The following NXPH1 variants were observed in gnomAD, a reference collection of about 807,000 sequenced individuals.
NXPH1 encodes the protein neurexophilin-1.
Under a neutral mutation model 23.7 loss-of-function variants are expected in NXPH1, and 5 were observed. The observed-to-expected ratio is 0.21, with a 90% CI of 0.11 to 0.44. The LOEUF (loss-of-function observed/expected upper bound fraction) is 0.44. Ranked by LOEUF, NXPH1 falls within the 20% of genes least tolerant of loss-of-function variation. The pLI, the probability that NXPH1 is intolerant of heterozygous loss-of-function variation, is 0.99. For synonymous variants in NXPH1, 144 were observed against 122.2 expected, an observed-to-expected ratio of 1.18 and a Z score of -1.18; for missense variants, 324 against 321.6, an observed-to-expected ratio of 1.01 and a Z score of -0.06.
At chr7:8,667,420 T>C (rs1387528220) in intron 2 of NXPH1, among the ~76,000 whole-genome samples, 1 of 151,928 alleles carries the variant, frequency 6.6e-6, no homozygotes, top group Non-Finnish European at 1.5e-5. Context: ...CTCCTTTGTT[T>C]CTGAGAGTAT....
intron 2 of NXPH1, among the ~76,000 whole-genome samples, chr7:8,664,842 CTA>C (rs1474063242): frequency 6.6e-6 from 1 of 151,954 alleles, no homozygotes; most frequent in Non-Finnish European, 1.5e-5. Context: ...TAAGAAATGT[CTA>C]TTCAGTTTAT....
At chr7:8,560,411 T>G (rs1171863196) in intron 2 of NXPH1, among the ~76,000 whole-genome samples, 2 of 151,866 alleles carry the variant, frequency 1.3e-5, no homozygotes, top group South Asian at 2.1e-4. Flanking sequence ...ATTATTTTGT[T>G]TGATGTGACA....
At chr7:8,599,560 T>C (rs1819307466) in intron 2 of NXPH1, among the ~76,000 whole-genome samples, 1 of 152,138 alleles carries the variant, frequency 6.6e-6, no homozygotes, top group South Asian at 2.1e-4. Flanking sequence ...TAATTTAGGA[T>C]TACCTATTCA....
At chr7:8,645,743 G>A (rs1308494869) in intron 2 of NXPH1, among the ~76,000 whole-genome samples, 1 of 151,980 alleles carries the variant, frequency 6.6e-6, no homozygotes, top group African/African-American at 2.4e-5. Flanking sequence ...GATCCATATG[G>A]AATTGAGTTT....
intron 2 of NXPH1, among the ~76,000 whole-genome samples, chr7:8,698,737 C>G (rs949170630): frequency 1.3e-5 from 2 of 151,986 alleles, no homozygotes; most frequent in Non-Finnish European, 2.9e-5. Flanking sequence ...TATGGATAAT[C>G]TGGAATCTTA....
intron 2 of NXPH1, among the ~76,000 whole-genome samples, chr7:8,562,458 C>G (rs1181683813): frequency 6.6e-6 from 1 of 151,210 alleles, no homozygotes; most frequent in Non-Finnish European, 1.5e-5. Flanking sequence ...AACTGATTAA[C>G]TTACTTTCCT....
intron 2 of NXPH1, among the ~76,000 whole-genome samples, chr7:8,481,315 C>T (rs562640202): frequency 6.6e-6 from 1 of 152,224 alleles, no homozygotes; most frequent in Admixed American, 6.5e-5. Flanking sequence ...TTCAGAGATA[C>T]CTACGCAGAG....
chr7:8,458,302 C>G (rs556708056), intron 2 of NXPH1, among the ~76,000 whole-genome samples: 6 of 152,244 alleles, frequency 3.9e-5, no homozygotes, highest in South Asian at 4.1e-4. Flanking sequence ...TAACCTCTTT[C>G]TAAGTGGGGG....
intron 2 of NXPH1, among the ~76,000 whole-genome samples, chr7:8,709,225 T>G (rs539532361): frequency 8.5e-5 from 13 of 152,242 alleles, no homozygotes; most frequent in Non-Finnish European, 1.8e-4. Context: ...CTACCACTTT[T>G]GAGTACTGTA....
At chr7:8,524,916 A>G (rs62448091) in intron 2 of NXPH1, among the ~76,000 whole-genome samples, 35,767 of 152,178 alleles carry the variant, frequency 0.24, 4,335 homozygotes, top group East Asian at 0.3. Context: ...CAGCAGTGTG[A>G]AAATAGACTA....
chr7:8,514,405 C>T (rs1355664327), intron 2 of NXPH1, among the ~76,000 whole-genome samples: 1 of 152,106 alleles, frequency 6.6e-6, no homozygotes, highest in African/African-American at 2.4e-5. Context: ...CAGTGACATC[C>T]TTGAAGTTGC....
Position 8,752,888 on chromosome 7 carries a change from T to C in NXPH1, c.*1119T>C, listed in dbSNP as rs886337984. On this transcript the variant is annotated 3_prime_UTR_variant, in exon 3 of 3. Transcript: ENST00000405863. ...TATACATATACAACATTACAGTCTG[T>C]CTGTATTTAGATATTTTATTTCTGG... 6.6e-6 allele frequency: 1 copy of C among 152,554 alleles called. No individual in the cohort carries two copies. Among genetic ancestry groups the C allele is most frequent in the Non-Finnish European group, 1.5e-5 (1 of 68,010 alleles). 9.5% of individuals were successfully genotyped at this position (152,554 alleles called of 1,614,324 possible). A position where few individuals can be genotyped will look rare whatever the true frequency, so the allele number is the denominator to read the frequency against.
intron 2 of NXPH1, among the ~76,000 whole-genome samples, chr7:8,558,041 C>A (rs1201734378): frequency 1.3e-5 from 2 of 151,590 alleles, no homozygotes; most frequent in African/African-American, 4.8e-5. Flanking sequence ...CATAAAAAGG[C>A]TTGTTATTAA....
At chr7:8,595,028 G>C (rs1254776262) in intron 2 of NXPH1, among the ~76,000 whole-genome samples, 1 of 151,944 alleles carries the variant, frequency 6.6e-6, no homozygotes, top group African/African-American at 2.4e-5. Flanking sequence ...TGAAGTTACA[G>C]CTTCTACACT....
chr7:8,545,899 C>G (rs748219113), intron 2 of NXPH1, among the ~76,000 whole-genome samples: 6 of 151,396 alleles, frequency 4.0e-5, no homozygotes, highest in African/African-American at 7.3e-5. Flanking sequence ...CAGTCAATAT[C>G]TGGGCTTAAT....
intron 2 of NXPH1, among the ~76,000 whole-genome samples, chr7:8,482,258 A>G (rs1584185194): frequency 6.6e-6 from 1 of 152,178 alleles, no homozygotes; most frequent in Non-Finnish European, 1.5e-5. Context: ...GGCCCCTGTC[A>G]GCAGTGCCAA....
At chr7:8,534,364 G>T (rs1416236709) in intron 2 of NXPH1, among the ~76,000 whole-genome samples, 1 of 152,112 alleles carries the variant, frequency 6.6e-6, no homozygotes, top group East Asian at 1.9e-4. Context: ...AAATAGCACA[G>T]TGGAATCTAT....
chr7:8,574,738 C>T (rs1291515266), intron 2 of NXPH1, among the ~76,000 whole-genome samples: 1 of 152,124 alleles, frequency 6.6e-6, no homozygotes, highest in Non-Finnish European at 1.5e-5. Context: ...GATTCCGTCT[C>T]CTGCTGTCAC....
chr7:8,600,952 A>G (rs1355194806), intron 2 of NXPH1, among the ~76,000 whole-genome samples: 1 of 151,882 alleles, frequency 6.6e-6, no homozygotes, highest in Non-Finnish European at 1.5e-5. Flanking sequence ...TATTGTCTAC[A>G]TAATATAGCA....
Sources: gnomAD v4.1 joint callset for allele counts (sites outside exome capture counted in the v4.1 genomes callset) on GRCh38, gnomAD v4.1.1 for gene constraint, MANE v1.5 for transcripts, NCBI Gene and HGNC (gene_info 2026-07-23, HGNC 2026-07-21) for gene names.